Variants in MAP2K5 observed in about 807,000 individuals in gnomAD.
MAP2K5 encodes the protein mitogen-activated protein kinase kinase 5, also known as dual specificity mitogen-activated protein kinase kinase 5.
Under a neutral mutation model 83.1 loss-of-function variants are expected in MAP2K5, and 49 were observed. That is an observed-to-expected ratio of 0.59 (90% CI 0.47 to 0.75). The LOEUF is 0.75. Ranked by LOEUF, MAP2K5 falls within the 30% of genes least tolerant of loss-of-function variation. The pLI, the probability that MAP2K5 is intolerant of heterozygous loss-of-function variation, is 0.00. For synonymous variants in MAP2K5, 202 were observed against 191.8 expected (o/e 1.05, Z -0.44); for missense variants, 457 against 557.5 (o/e 0.82, Z 1.82).
chr15:67,731,992 G>A (rs112431516), intron 17 of MAP2K5, among the ~76,000 whole-genome samples: 1 of 152,280 alleles, frequency 6.6e-6, no homozygotes, highest in Non-Finnish European at 1.5e-5. Flanking sequence ...GCAGAGTAAC[G>A]GGAGATCCAG....
Position 67,565,350 on chromosome 15 carries a change from C to G in MAP2K5, c.252+2000C>G, listed in dbSNP as rs904001342. Among the ~76,000 whole-genome samples, 1 of 152,150 alleles carries G rather than the reference C, an allele frequency of 6.6e-6. No homozygotes were observed. The highest frequency in any genetic ancestry group is 2.4e-5 in the African/African-American group (1 of 41,434). ...GTTTAAGCAATTCTCCTGCCTCAGCCTCCTGAGTAGCTGGGATTACAGGCA... is the reference window on the plus strand; with the variant it reads ...GTTTAAGCAATTCTCCTGCCTCAGCGTCCTGAGTAGCTGGGATTACAGGCA... On this transcript the variant is annotated intron_variant, in intron 3 of 21. Coordinates refer to ENST00000178640, the MANE Select transcript of MAP2K5 (RefSeq NM_145160.3). This position sits in a 1 kb window ranked among gnomAD's most constrained non-coding sequence, Gnocchi z 4.1.
chr15:67,756,715 A>G (rs2089845824), intron 19 of MAP2K5, among the ~76,000 whole-genome samples: 1 of 152,124 alleles, frequency 6.6e-6, no homozygotes, highest in South Asian at 2.1e-4. Context: ...AGCCCCTGGT[A>G]ACTACTCTTC....
At chr15:67,622,321 A>G (rs1171293413) in intron 8 of MAP2K5, among the ~76,000 whole-genome samples, 1 of 152,176 alleles carries the variant, frequency 6.6e-6, no homozygotes, top group African/African-American at 2.4e-5. Context: ...GCCCCGAGGC[A>G]GGAGCACGTT....
intron 16 of MAP2K5, among the ~76,000 whole-genome samples, chr15:67,725,951 G>T (rs980559506): frequency 6.6e-6 from 1 of 152,140 alleles, no homozygotes; most frequent in Non-Finnish European, 1.5e-5. Flanking sequence ...TTCCCTCCCC[G>T]TACATAGACA....
At chr15:67,742,860 A>T (rs1248921162) in intron 17 of MAP2K5, among the ~76,000 whole-genome samples, 12 of 152,242 alleles carry the variant, frequency 7.9e-5, no homozygotes, top group Non-Finnish European at 4.4e-5. Context: ...AATTTTAAAT[A>T]CACAAAGGAT....
At position 67,786,307 on chromosome 15, in the gene MAP2K5, A is replaced by T. The variant is rs1022166267; in HGVS notation, c.1242+13555A>T. Among the ~76,000 whole-genome samples, 2 of 151,980 alleles carry T rather than the reference A, an allele frequency of 1.3e-5. No individual in the cohort carries two copies. The highest frequency in any genetic ancestry group is 6.6e-5 in the Admixed American group (1 of 15,256). On this transcript the variant is annotated intron_variant, in intron 21 of 21. Transcript: ENST00000178640. This position sits in a 1 kb window ranked among gnomAD's most constrained non-coding sequence, Gnocchi z 4.7. ...CTCTGTGGTTGAAAATCCAAACAAG[A>T]TGAAGCACATTCCTCCCCACTCACT... is the stretch of plus-strand genomic sequence containing the variant.
chr15:67,782,404 G>A lies in MAP2K5; in HGVS notation c.1242+9652G>A, dbSNP rs540794440. ...TAACCATTTTGGGGGATTGATTTGA[G>A]GGCACCGAGGAATCGATTTTTGTCT... On this transcript the variant is annotated intron_variant, in intron 21 of 21. Coordinates refer to ENST00000178640, the MANE Select transcript of MAP2K5 (RefSeq NM_145160.3). This position sits in a 1 kb window ranked among gnomAD's most constrained non-coding sequence, Gnocchi z 4.9. Among the ~76,000 whole-genome samples, 10 of 152,346 alleles carry A rather than the reference G, an allele frequency of 6.6e-5. No homozygotes were observed. The South Asian group carries it at 2.1e-3, about 32-fold the overall frequency.
chr15:67,546,539 A>G, intron 1 of MAP2K5: 3 of 977,664 alleles, frequency 3.1e-6, no homozygotes, highest in Non-Finnish European at 3.6e-6. Context: ...TTTTGTCTGA[A>G]TCATCAGGGA....
chr15:67,618,417 C>T (rs1199356182), intron 8 of MAP2K5, among the ~76,000 whole-genome samples: 1 of 152,164 alleles, frequency 6.6e-6, no homozygotes, highest in Non-Finnish European at 1.5e-5. Flanking sequence ...CTGTTTAATT[C>T]ACTTCCTAAG....
intron 1 of MAP2K5, among the ~76,000 whole-genome samples, chr15:67,547,070 A>AG (rs1029490823): frequency 8.8e-5 from 11 of 124,952 alleles, no homozygotes; most frequent in Non-Finnish European, 1.6e-4. Context: ...ATCTCAAAAA[A>AG]GAAGAAAACA....
chr15:67,585,940 T>G lies in MAP2K5; in HGVS notation c.363+10T>G, dbSNP rs1156653880. The G allele has an allele frequency of 3.7e-6, 6 of 1,612,156 alleles. No individual in the cohort carries two copies. The highest frequency in any genetic ancestry group is 5.1e-6 in the Non-Finnish European group (6 of 1,178,272). ...CATACATGGCCTGAAGGTACGAATT[T>G]CAATAATTGTTTCAGTAAAGTTAGA... On this transcript the variant is annotated intron_variant, in intron 5 of 21. Coordinates refer to ENST00000178640, the MANE Select transcript of MAP2K5 (RefSeq NM_145160.3).
chr15:67,610,714 A>C (rs970980627), intron 8 of MAP2K5, among the ~76,000 whole-genome samples: 1 of 152,156 alleles, frequency 6.6e-6, no homozygotes, highest in Non-Finnish European at 1.5e-5. Context: ...TGATTTGTAC[A>C]CTAACGTTGA....
At chr15:67,784,943 T>C (rs558012060) in intron 21 of MAP2K5, among the ~76,000 whole-genome samples, 2 of 152,308 alleles carry the variant, frequency 1.3e-5, no homozygotes, top group East Asian at 1.9e-4. Context: ...CTGAACTGTT[T>C]GTTGTTTTTT....
In MAP2K5 at chr15:67,555,276, C is replaced by T. The variant is rs549700400; in HGVS notation, c.184+5194C>T. On this transcript the variant is annotated intron_variant, in intron 2 of 21. Coordinates refer to ENST00000178640, the MANE Select transcript of MAP2K5 (RefSeq NM_145160.3). The surrounding 1 kb of genome is among the most constrained non-coding windows in gnomAD (Gnocchi z 5.2). ...AAGGGGCAGCAGGCGTGTCACATGG[C>T]GAGAGAGAGTGGAGGAGGTGCCAGG... is the stretch of plus-strand genomic sequence containing the variant. Among the ~76,000 whole-genome samples, 13 of 152,186 alleles carry T rather than the reference C, an allele frequency of 8.5e-5. No homozygotes were observed. Among genetic ancestry groups the T allele is most frequent in the East Asian group, 5.8e-4 (3 of 5,184 alleles).
intron 8 of MAP2K5, among the ~76,000 whole-genome samples, chr15:67,626,984 G>T (rs935057632): frequency 6.4e-5 from 9 of 141,602 alleles, no homozygotes; most frequent in African/African-American, 2.3e-4. Flanking sequence ...CCGGGCTGTA[G>T]TGGAGTGGTG....
rs138586081 is a variant in MAP2K5 at position 67,586,449 on chromosome 15, A to G, written c.364-397A>G. Among the ~76,000 whole-genome samples the G allele has an allele frequency of 8.3e-3, 1,264 of 152,336 alleles. 41 individuals are homozygous for G. Among genetic ancestry groups the G allele is most frequent in the Admixed American group, 0.061 (940 of 15,294 alleles). ...TTTGGACCTCATTTTTTAGTGAATAAGAAACATTCTACATACAGTGTTCTG... is the reference window on the plus strand; with the variant it reads ...TTTGGACCTCATTTTTTAGTGAATAGGAAACATTCTACATACAGTGTTCTG... On this transcript the variant is annotated intron_variant, in intron 5 of 21. Coordinates refer to ENST00000178640, the MANE Select transcript of MAP2K5 (RefSeq NM_145160.3).
intron 19 of MAP2K5, among the ~76,000 whole-genome samples, chr15:67,754,849 T>C (rs2089801555): frequency 1.3e-5 from 2 of 152,226 alleles, no homozygotes. Context: ...TGTTACCCTG[T>C]AGCCAAGGGA....
chr15:67,556,879 C>G (rs1191676376), intron 2 of MAP2K5, among the ~76,000 whole-genome samples: 3 of 152,142 alleles, frequency 2.0e-5, no homozygotes, highest in Admixed American at 1.3e-4. Context: ...CTTGCACCAT[C>G]TTCAGTTTAT....
Position 67,552,441 on chromosome 15 carries a change from C to T in MAP2K5, c.184+2359C>T, listed in dbSNP as rs988164356. On this transcript the variant is annotated intron_variant, in intron 2 of 21. Transcript: ENST00000178640. This position sits in a 1 kb window ranked among gnomAD's most constrained non-coding sequence, Gnocchi z 4.2. ...CATCACAAGATCCCCACGAAGTACTCGTTATTTTTTTGAGACAGAGTATTG... is the reference window on the plus strand; with the variant it reads ...CATCACAAGATCCCCACGAAGTACTTGTTATTTTTTTGAGACAGAGTATTG... 1.3e-5 allele frequency among the ~76,000 whole-genome samples: 2 copies of T among 151,918 alleles called. No individual in the cohort carries two copies. The highest frequency in any genetic ancestry group is 4.8e-5 in the African/African-American group (2 of 41,350).
Sources: allele counts gnomAD v4.1 joint callset (sites outside exome capture counted in the v4.1 genomes callset), GRCh38; gene constraint gnomAD v4.1.1; non-coding constraint Gnocchi (gnomAD v3.1); transcripts MANE v1.5; gene names NCBI Gene and HGNC (gene_info 2026-07-23, HGNC 2026-07-21).